SETD2: variants seen among roughly 807,000 people sequenced by gnomAD.
The protein encoded by SETD2 is SET domain containing 2, histone lysine methyltransferase.
In SETD2, 31 loss-of-function variants were observed where a neutral mutation model predicts 242.1. The observed-to-expected ratio is 0.13, with a 90% CI of 0.10 to 0.17. The LOEUF is 0.17. Ranked by LOEUF, SETD2 falls within the 10% of genes least tolerant of loss-of-function variation. The pLI, the probability that SETD2 is intolerant of heterozygous loss-of-function variation, is 1.00. For missense variants in SETD2, 2,481 were observed against 3,046.3 expected, an observed-to-expected ratio of 0.81 and a Z score of 4.37; for synonymous variants, 1,006 against 1,066.5, an observed-to-expected ratio of 0.94 and a Z score of 1.11.
intron 17 of SETD2, among the ~76,000 whole-genome samples, chr3:47,041,126 A>G (rs1181118664): frequency 2.0e-5 from 3 of 152,206 alleles, no homozygotes; most frequent in Admixed American, 2.0e-4. Flanking sequence ...TATACAATAG[A>G]GCAGGGGTTG....
chr3:47,078,519 C>CTTTTTTT (rs71098448), intron 12 of SETD2, among the ~76,000 whole-genome samples: 1 of 71,280 alleles, frequency 1.4e-5, no homozygotes. Context: ...GATTCTCAGC[C>CTTTTTTT]TTTTTTTTTT....
Position 47,120,872 on chromosome 3 carries a change from A to G in SETD2, c.3764T>C (p.Leu1255Pro), listed in dbSNP as rs2107746925. ...HVDGLHSSEELRNLGWDFSQE... is the reference protein window; with the variant it reads ...HVDGLHSSEEPRNLGWDFSQE... ...AGAGAAGTCCCAACCTAAGTTTCTGAGCTCTTCTGATGAGTGCAAGCCATC... is the reference window on the plus strand; with the variant it reads ...AGAGAAGTCCCAACCTAAGTTTCTGGGCTCTTCTGATGAGTGCAAGCCATC... The change falls in exon 3 of 21, where the codon CTC (leucine) becomes CCC (proline). Residue 1255 changes from leucine to proline, a missense_variant. Physicochemically the swap from Leu to Pro is moderately conservative, Grantham distance 98. Transcript: ENST00000409792. The G allele has an allele frequency of 6.2e-7, 1 of 1,614,218 alleles. No individual in the cohort carries two copies. The highest frequency in any genetic ancestry group is 8.5e-7 in the Non-Finnish European group (1 of 1,180,040).
chr3:47,080,806 C>T, intron 12 of SETD2: 2 of 986,146 alleles, frequency 2.0e-6, no homozygotes, highest in Non-Finnish European at 2.4e-6. Flanking sequence ...CTCACTTAAT[C>T]CTTTCTCGCC....
intron 15 of SETD2, among the ~76,000 whole-genome samples, chr3:47,053,709 G>A (rs912497616): frequency 6.6e-6 from 1 of 152,172 alleles, no homozygotes; most frequent in Non-Finnish European, 1.5e-5. Flanking sequence ...ATGTTGTATG[G>A]TTAACACTGG....
At chr3:47,049,944 G>C (rs900977423) in intron 15 of SETD2, among the ~76,000 whole-genome samples, 2 of 143,620 alleles carry the variant, frequency 1.4e-5, no homozygotes, top group African/African-American at 5.1e-5. Flanking sequence ...TATTCTATAA[G>C]TTTATATATT....
chr3:47,143,392 T>C (rs532474734), intron 1 of SETD2, among the ~76,000 whole-genome samples: 44 of 152,324 alleles, frequency 2.9e-4, no homozygotes, highest in Admixed American at 2.9e-3. Context: ...ATATTCCAAA[T>C]ATTTAAATCC....
chr3:47,128,354 T>C (rs1028799596), intron 1 of SETD2, among the ~76,000 whole-genome samples: 9 of 152,184 alleles, frequency 5.9e-5, no homozygotes, highest in Admixed American at 2.6e-4. Flanking sequence ...CAACGCATAC[T>C]GAGGGACTGT....
At chr3:47,148,557 CTTCT>C (rs1285462885) in intron 1 of SETD2, among the ~76,000 whole-genome samples, 1 of 152,110 alleles carries the variant, frequency 6.6e-6, no homozygotes, top group Non-Finnish European at 1.5e-5. Context: ...TTTTTTATAC[CTTCT>C]TTCTACCTCT....
In SETD2 at chr3:47,106,052, T is replaced by A. The variant is rs1285090688; in HGVS notation, c.4784A>T (p.Glu1595Val). 1.2e-6 allele frequency: 2 copies of A among 1,613,896 alleles called. No individual in the cohort carries two copies. The highest frequency in any genetic ancestry group is 1.7e-6 in the Non-Finnish European group (2 of 1,179,830). Residue 1595 changes from glutamate to valine, a missense_variant, in exon 6 of 21, where the codon GAG (glutamate) becomes GTG (valine). Physicochemically the swap from Glu to Val is moderately radical, Grantham distance 121. Coordinates refer to ENST00000409792, the MANE Select transcript of SETD2 (RefSeq NM_014159.7). ...ATGGATGTTTTTGTTTCGTGCATAC[T>A]CCTTCACTCGAGCTTTAAACTCTTT... ...DHKEFKARVKEYARNKNIHYY... is the reference protein window; with the variant it reads ...DHKEFKARVKVYARNKNIHYY...
intron 19 of SETD2, among the ~76,000 whole-genome samples, chr3:47,018,185 T>TA (rs1306772861): frequency 6.6e-6 from 1 of 152,122 alleles, no homozygotes; most frequent in Non-Finnish European, 1.5e-5. Flanking sequence ...GAAGGGTACT[T>TA]AGATTCTTTA....
At chr3:47,133,167 C>T (rs1365609639) in intron 1 of SETD2, among the ~76,000 whole-genome samples, 2 of 151,808 alleles carry the variant, frequency 1.3e-5, no homozygotes, top group East Asian at 1.9e-4. Context: ...GTTCTTATCT[C>T]GGGAATCTGG....
intron 11 of SETD2, 33 bp from the exon 12 acceptor site, chr3:47,084,415 T>A (rs1047936988): frequency 6.9e-7 from 1 of 1,441,998 alleles, no homozygotes. Flanking sequence ...TACATCACTT[T>A]GTACAGTTGA....
At chr3:47,133,679 G>A (rs2043530347) in intron 1 of SETD2, among the ~76,000 whole-genome samples, 1 of 152,144 alleles carries the variant, frequency 6.6e-6, no homozygotes, top group South Asian at 2.1e-4. Flanking sequence ...GTTGCAGTGA[G>A]CCAACATCAC....
At chr3:47,112,356 A>G (rs1317429151) in intron 5 of SETD2, among the ~76,000 whole-genome samples, 1 of 152,086 alleles carries the variant, frequency 6.6e-6, no homozygotes, top group African/African-American at 2.4e-5. Context: ...ATCTCGGCTC[A>G]CTGCAACCTT....
At chr3:47,021,369 A>G (rs1376441655) in intron 18 of SETD2, among the ~76,000 whole-genome samples, 1 of 152,208 alleles carries the variant, frequency 6.6e-6, no homozygotes, top group African/African-American at 2.4e-5. Flanking sequence ...CTATGTAAAT[A>G]GAAATGTCCT....
intron 5 of SETD2, among the ~76,000 whole-genome samples, chr3:47,112,440 T>A (rs370417932): frequency 6.6e-6 from 1 of 151,278 alleles, no homozygotes; most frequent in Non-Finnish European, 1.5e-5. Context: ...TGCCACCACA[T>A]CCAGCTAATT....
At chr3:47,162,301 TC>T (rs1697513067) in intron 1 of SETD2, among the ~76,000 whole-genome samples, 1 of 152,166 alleles carries the variant, frequency 6.6e-6, no homozygotes, top group Non-Finnish European at 1.5e-5. Context: ...TTGAGGTTTT[TC>T]AAACTAAAAA....
chr3:47,159,698 C>A lies in SETD2; in HGVS notation c.71+4156G>T, dbSNP rs373020176. On this transcript the variant is annotated intron_variant, in intron 1 of 20. Coordinates refer to ENST00000409792, the MANE Select transcript of SETD2 (RefSeq NM_014159.7). Reference sequence around the variant, plus strand: ...GACTGTAAAAAAGCTAAACCTCAGCCGAGAGCAGTGGCTCACACCTGTAAT... The same window carrying A: ...GACTGTAAAAAAGCTAAACCTCAGCAGAGAGCAGTGGCTCACACCTGTAAT... Among the ~76,000 whole-genome samples, 59 of 152,232 alleles carry A rather than the reference C, an allele frequency of 3.9e-4. No individual in the cohort carries two copies. In the South Asian group the frequency reaches 0.012, roughly 31 times the overall value.
chr3:47,030,342 A>G (rs1271722755), intron 18 of SETD2, among the ~76,000 whole-genome samples: 1 of 152,164 alleles, frequency 6.6e-6, no homozygotes, highest in Non-Finnish European at 1.5e-5. Flanking sequence ...GCAGAAGGTA[A>G]ATCAGTGAAC....
Sources: gnomAD v4.1 joint callset for allele counts (sites outside exome capture counted in the v4.1 genomes callset) on GRCh38, gnomAD v4.1.1 for gene constraint, MANE v1.5 for transcripts, NCBI Gene and HGNC (gene_info 2026-07-23, HGNC 2026-07-21) for gene names.